The following TLL1 variants were observed in gnomAD, a reference collection of about 807,000 sequenced individuals.
The protein encoded by TLL1 is tolloid-like protein 1.
A neutral mutation model predicts 128.2 loss-of-function variants in TLL1; 49 were observed. The observed-to-expected ratio is 0.38, with a 90% CI of 0.30 to 0.48. TLL1 has a LOEUF of 0.48. Among genes scored for constraint, TLL1 ranks in the 20% least tolerant of loss-of-function variants. TLL1 has a pLI of 0.96. For synonymous variants in TLL1, 454 were observed against 418.8 expected (o/e 1.08, Z -1.03); for missense variants, 1,123 against 1,242.0 (o/e 0.90, Z 1.44).
At chr4:166,055,848 A>T (rs1739979950) in intron 13 of TLL1, among the ~76,000 whole-genome samples, 1 of 152,096 alleles carries the variant, frequency 6.6e-6, no homozygotes, top group Admixed American at 6.6e-5. Flanking sequence ...TTTGGTGAAA[A>T]TATTAACATC....
chr4:165,961,434 G>T (rs1046307059), intron 1 of TLL1, among the ~76,000 whole-genome samples: 1 of 152,028 alleles, frequency 6.6e-6, no homozygotes, highest in Non-Finnish European at 1.5e-5. Context: ...CTGTCAAACT[G>T]CCAATGTCAT....
chr4:166,064,354 A>T (rs915198605), intron 15 of TLL1, among the ~76,000 whole-genome samples: 1 of 152,184 alleles, frequency 6.6e-6, no homozygotes, highest in African/African-American at 2.4e-5. Context: ...TTATTAATTG[A>T]TAGATATTTG....
At chr4:165,997,172 G>T (rs115012382) in intron 5 of TLL1, among the ~76,000 whole-genome samples, 2,843 of 152,158 alleles carry the variant, frequency 0.019, 87 homozygotes, top group African/African-American at 0.062. Flanking sequence ...CTATGATAAT[G>T]CTTCACTTAA....
intron 12 of TLL1, among the ~76,000 whole-genome samples, chr4:166,046,063 A>G (rs1428462892): frequency 6.6e-6 from 1 of 152,080 alleles, no homozygotes; most frequent in Non-Finnish European, 1.5e-5. Flanking sequence ...TTGGGATCTT[A>G]CCTGTGTCTC....
intron 7 of TLL1, among the ~76,000 whole-genome samples, chr4:166,012,810 G>A (rs1737759522): frequency 6.6e-6 from 1 of 151,612 alleles, no homozygotes; most frequent in Non-Finnish European, 1.5e-5. Context: ...TGTACATATG[G>A]AGTTCTGTAG....
intron 14 of TLL1, among the ~76,000 whole-genome samples, chr4:166,059,803 A>G (rs1740217804): frequency 6.6e-6 from 1 of 152,050 alleles, no homozygotes; most frequent in Non-Finnish European, 1.5e-5. Flanking sequence ...TACAGCCATA[A>G]TATTCTCGGC....
At position 166,012,549 on chromosome 4, in the gene TLL1, T is replaced by C. The variant is rs192004704; in HGVS notation, c.918-1887T>C. Among the ~76,000 whole-genome samples the C allele has an allele frequency of 3.7e-4, 56 of 151,810 alleles. No homozygotes were observed. In the East Asian group the frequency reaches 6.4e-3, roughly 17 times the overall value. On this transcript the variant is annotated intron_variant, in intron 7 of 20. Transcript: ENST00000061240. ...TTTTAGAAATAGAAAAAGAAAATGG[T>C]AAATGCTTTGTTAGTACTGAAGTAC... is the stretch of plus-strand genomic sequence containing the variant.
intron 1 of TLL1, among the ~76,000 whole-genome samples, chr4:165,938,826 A>G (rs1185032729): frequency 6.8e-6 from 1 of 146,636 alleles, no homozygotes; most frequent in Non-Finnish European, 1.5e-5. Flanking sequence ...CTCAACCTGT[A>G]TATAATATTT....
In TLL1 at chr4:166,072,463, CATT is replaced by C. The variant is rs933771183; in HGVS notation, c.2189-2402_2189-2400del. Among the ~76,000 whole-genome samples the C allele has an allele frequency of 9.2e-5, 14 of 151,510 alleles. No homozygotes were observed. The Middle Eastern group carries it at 0.017, about 185-fold the overall frequency. The stretch of plus-strand genomic sequence containing the variant: ...CTTCTTCCAAAAATTATTCTGAAAT[CATT>C]ATTATTATTATTTTTAGCACAACAA... On this transcript the variant is annotated intron_variant, in intron 16 of 20. Coordinates refer to ENST00000061240, the MANE Select transcript of TLL1 (RefSeq NM_012464.5).
chr4:166,039,767 T>C (rs1232812041), intron 10 of TLL1, among the ~76,000 whole-genome samples: 2 of 152,118 alleles, frequency 1.3e-5, no homozygotes, highest in African/African-American at 4.8e-5. Flanking sequence ...AAAAATCAGT[T>C]TTTGATTAAA....
intron 1 of TLL1, among the ~76,000 whole-genome samples, chr4:165,969,485 T>G (rs1017515937): frequency 3.9e-5 from 6 of 152,110 alleles, no homozygotes; most frequent in African/African-American, 1.4e-4. Flanking sequence ...ACACACATTT[T>G]TGAAAAATGC....
intron 1 of TLL1, among the ~76,000 whole-genome samples, chr4:165,875,908 GA>G (rs67494792): frequency 0.07 from 10,241 of 146,192 alleles, 646 homozygotes; most frequent in African/African-American, 0.17. Context: ...TCTAGGCAAG[GA>G]AAAAAAAAAA....
chr4:165,963,232 G>T (rs545720847), intron 1 of TLL1, among the ~76,000 whole-genome samples: 1 of 151,894 alleles, frequency 6.6e-6, no homozygotes. Context: ...CCAAATGCCC[G>T]GGAGTTCTGT....
chr4:165,909,722 A>G (rs966660294), intron 1 of TLL1, among the ~76,000 whole-genome samples: 10 of 152,204 alleles, frequency 6.6e-5, no homozygotes, highest in Admixed American at 3.9e-4. Flanking sequence ...TTGTTCAAGA[A>G]AAGTCCATAA....
At chr4:165,902,179 C>A (rs775892052) in intron 1 of TLL1, among the ~76,000 whole-genome samples, 2 of 152,142 alleles carry the variant, frequency 1.3e-5, no homozygotes, top group Admixed American at 6.5e-5. Flanking sequence ...GCTTGCTGTG[C>A]TCCATGTGGG....
At chr4:166,055,752 T>G (rs1009667234) in intron 13 of TLL1, among the ~76,000 whole-genome samples, 32 of 152,172 alleles carry the variant, frequency 2.1e-4, no homozygotes, top group Non-Finnish European at 4.6e-4. Flanking sequence ...CTGATCAGCT[T>G]TGATTTTGAA....
intron 1 of TLL1, among the ~76,000 whole-genome samples, chr4:165,889,584 T>C (rs751716776): frequency 2.6e-5 from 4 of 152,220 alleles, no homozygotes; most frequent in Non-Finnish European, 5.9e-5. Context: ...TTACCTGTAC[T>C]GACTTGCTGC....
At chr4:166,084,678 A>G (rs1462837283) in intron 18 of TLL1, among the ~76,000 whole-genome samples, 1 of 152,164 alleles carries the variant, frequency 6.6e-6, no homozygotes, top group Non-Finnish European at 1.5e-5. Context: ...TTTGTCAAAA[A>G]TCAGTTGGCT....
intron 1 of TLL1, among the ~76,000 whole-genome samples, chr4:165,949,635 T>C (rs560831190): frequency 2.6e-5 from 4 of 151,996 alleles, no homozygotes; most frequent in South Asian, 2.1e-4. Context: ...AGGTGAAAGG[T>C]ACATCTCACA....
Sources: allele counts gnomAD v4.1 joint callset (sites outside exome capture counted in the v4.1 genomes callset), GRCh38; gene constraint gnomAD v4.1.1; transcripts MANE v1.5; gene names NCBI Gene and HGNC (gene_info 2026-07-23, HGNC 2026-07-21).